UNK: variants seen among roughly 807,000 people sequenced by gnomAD.
UNK encodes the protein unk zinc finger.
UNK carries 32 observed loss-of-function variants against 97.6 expected under a neutral mutation model. That is an observed-to-expected ratio of 0.33 (90% CI 0.25 to 0.44). UNK has a LOEUF of 0.44. Among genes scored for constraint, UNK ranks in the 20% least tolerant of loss-of-function variants. UNK has a pLI of 1.00. For missense variants in UNK, 771 were observed against 1,098.4 expected, an observed-to-expected ratio of 0.70 and a Z score of 4.21; for synonymous variants, 441 against 461.2, an observed-to-expected ratio of 0.96 and a Z score of 0.56.
chr17:75,808,615 T>C (rs1242737111), intron 1 of UNK, among the ~76,000 whole-genome samples: 1 of 152,060 alleles, frequency 6.6e-6, no homozygotes, highest in African/African-American at 2.4e-5. Flanking sequence ...CCAGCCTGGG[T>C]CGAGGATCCC....
intron 1 of UNK, chr17:75,785,541 C>CCCA (rs1390477375): frequency 6.5e-6 from 1 of 152,686 alleles, no homozygotes; most frequent in Non-Finnish European, 1.5e-5. Context: ...TCCGTGCGTG[C>CCCA]CCATGACCGT....
At chr17:75,803,489 T>A (rs2143736682) in intron 1 of UNK, among the ~76,000 whole-genome samples, 1 of 152,344 alleles carries the variant, frequency 6.6e-6, no homozygotes, top group East Asian at 1.9e-4. Flanking sequence ...TAAAGTGTAA[T>A]CTGCTAGTAT....
intron 3 of UNK, 60 bp from the exon 4 acceptor site, chr17:75,812,395 T>G: frequency 6.3e-7 from 1 of 1,587,364 alleles, no homozygotes; most frequent in Non-Finnish European, 8.6e-7. Flanking sequence ...GGGCTGGCAC[T>G]CTGGTTCTTG....
At chr17:75,800,676 G>T (rs1232370960) in intron 1 of UNK, among the ~76,000 whole-genome samples, 1 of 151,394 alleles carries the variant, frequency 6.6e-6, no homozygotes, top group Non-Finnish European at 1.5e-5. Context: ...GGCAGAGCTT[G>T]CAGTGAGCTG....
rs370638974 is a variant in UNK, at chr17:75,818,596, G to C, written c.1372-46G>C. On this transcript the variant is annotated intron_variant, in intron 10 of 15. Coordinates refer to ENST00000589666, the MANE Select transcript of UNK (RefSeq NM_001080419.3). The surrounding 1 kb of genome is among the most constrained non-coding windows in gnomAD (Gnocchi z 5.1). ...TCTCCAGCCTCTCGTCCTGGCCTCC[G>C]TATGCAGGCCTACCATTGCTTCTCC... The C allele has an allele frequency of 6.5e-7, 1 of 1,540,516 alleles. No individual in the cohort carries two copies. The highest frequency in any genetic ancestry group is 1.9e-5 in the Admixed American group (1 of 52,548).
chr17:75,822,990 G>A lies in UNK; in HGVS notation c.2020-275G>A, dbSNP rs1044548140. ...ATGGGCCCCCTGTCCAGCTGCAGCC[G>A]GCTACCCTATGGGTGCTGGCCAGAA... On this transcript the variant is annotated intron_variant, in intron 14 of 15. Coordinates refer to ENST00000589666, the MANE Select transcript of UNK (RefSeq NM_001080419.3). Among the ~76,000 whole-genome samples, 31 of 152,278 alleles carry A rather than the reference G, an allele frequency of 2.0e-4. No homozygotes were observed. The East Asian group carries it at 2.9e-3, about 14-fold the overall frequency.
intron 1 of UNK, among the ~76,000 whole-genome samples, chr17:75,788,937 G>A: frequency 6.6e-6 from 1 of 152,214 alleles, no homozygotes; most frequent in Non-Finnish European, 1.5e-5. Context: ...CACCATAACA[G>A]TAATCTTGGC....
At chr17:75,785,169 G>T in intron 1 of UNK, 185 bp downstream of exon 1, 1 of 519,610 alleles carries the variant, frequency 1.9e-6, no homozygotes, top group Non-Finnish European at 3.3e-6. Flanking sequence ...CCAACCTCTG[G>T]TCGGGCTGTG....
At chr17:75,792,524 G>C (rs955417220) in intron 1 of UNK, 55 of 976,062 alleles carry the variant, frequency 5.6e-5, no homozygotes, top group South Asian at 1.4e-4. Context: ...AATTACATTA[G>C]CCTAATTGCT....
chr17:75,792,479 G>T (rs2061771048), intron 1 of UNK: 1 of 985,386 alleles, frequency 1.0e-6, no homozygotes, highest in Non-Finnish European at 1.2e-6. Context: ...GATGTTGAAT[G>T]TAAGTTTCTC....
At chr17:75,805,414 AAC>A (rs1250606404) in intron 1 of UNK, among the ~76,000 whole-genome samples, 3 of 150,884 alleles carry the variant, frequency 2.0e-5, no homozygotes, top group South Asian at 4.2e-4. Flanking sequence ...AAAAAAAAAA[AAC>A]AAGCCCACAT....
intron 1 of UNK, among the ~76,000 whole-genome samples, chr17:75,807,625 G>A (rs901652073): frequency 5.6e-4 from 86 of 152,224 alleles, no homozygotes; most frequent in African/African-American, 2.0e-3. Context: ...GCTAATTTTT[G>A]TATTCTTTTA....
chr17:75,784,997 C>T lies in UNK; in HGVS notation c.104+13C>T, dbSNP rs768629036. Reference sequence around the variant, plus strand: ...CGCAGCACTACACGTACGTAGAGCCCCCCCCCCCCCGCCGCGCGCGCACGC... The same window carrying T: ...CGCAGCACTACACGTACGTAGAGCCTCCCCCCCCCCGCCGCGCGCGCACGC... On this transcript the variant is annotated intron_variant, in intron 1 of 15. Transcript: ENST00000589666. 1.4e-3 allele frequency: 1,592 copies of T among 1,122,580 alleles called. 5 individuals carry two copies. The highest frequency in any genetic ancestry group is 6.5e-3 in the South Asian group (308 of 47,138). The allele number at this position is 1,122,580 out of a possible 1,614,324, so 69.5% of individuals were successfully genotyped here.
At chr17:75,807,836 G>A (rs997285740) in intron 1 of UNK, among the ~76,000 whole-genome samples, 6 of 151,930 alleles carry the variant, frequency 3.9e-5, no homozygotes, top group African/African-American at 7.3e-5. Context: ...TGATCCGCCC[G>A]CCCCAGCTTC....
At position 75,812,387 on chromosome 17, in the gene UNK, G is replaced by T. The variant is rs1385255016; in HGVS notation, c.492-68G>T. 10 of 1,584,372 alleles carry T rather than the reference G, an allele frequency of 6.3e-6. No individual in the cohort carries two copies. In the Admixed American group the frequency reaches 6.9e-5, roughly 11 times the overall value. On this transcript the variant is annotated intron_variant, in intron 3 of 15. Coordinates refer to ENST00000589666, the MANE Select transcript of UNK (RefSeq NM_001080419.3). ...TGAGTACCTCAGACTGCAGTGGAGG[G>T]CTGGCACTCTGGTTCTTGCCCCCTC...
rs2062034855 is a variant in UNK, at chr17:75,818,276, G to T, written c.1371+108G>T. 7.7e-7 allele frequency: 1 copy of T among 1,306,560 alleles called. No individual in the cohort carries two copies. Among genetic ancestry groups the T allele is most frequent in the African/African-American group, 1.5e-5 (1 of 68,250 alleles). 80.9% of individuals were successfully genotyped at this position (1,306,560 alleles called of 1,614,324 possible). ...GCACCACTTTTCCCAAAAGCTGAGG[G>T]CAGGACTAAAGTGGGGTCCCAGCCA... On this transcript the variant is annotated intron_variant, in intron 10 of 15. Transcript: ENST00000589666. The surrounding 1 kb of genome is among the most constrained non-coding windows in gnomAD (Gnocchi z 5.1).
chr17:75,818,007 C>A lies in UNK; in HGVS notation c.1306-96C>A. 2 of 1,237,082 alleles carry A rather than the reference C, an allele frequency of 1.6e-6. No homozygotes were observed. The highest frequency in any genetic ancestry group is 2.4e-6 in the Non-Finnish European group (2 of 851,024). The allele number at this position is 1,237,082 out of a possible 1,614,324, so 76.6% of individuals were successfully genotyped here. On this transcript the variant is annotated intron_variant, in intron 9 of 15. Transcript: ENST00000589666. The surrounding 1 kb of genome is among the most constrained non-coding windows in gnomAD (Gnocchi z 5.1). ...ATGTGAAGAGGGGTTGCATGTCTGC[C>A]ACCACCTGCCCCCTGGTACCTGCAG...
Position 75,821,917 on chromosome 17 carries a change from A to G in UNK, c.1838-560A>G, listed in dbSNP as rs760181601. ...TCCCTGTCTGTGTCCTGGCCCTACC[A>G]CTTACAATTTGTGTGATTCTTGGTA... On this transcript the variant is annotated intron_variant, in intron 13 of 15. Transcript: ENST00000589666. 1.3e-4 allele frequency: 45 copies of G among 343,204 alleles called. No homozygotes were observed. In the East Asian group the frequency reaches 2.8e-3, roughly 21 times the overall value. The allele number at this position is 343,204 out of a possible 1,614,324, so 21.3% of individuals were successfully genotyped here. A position where few individuals can be genotyped will look rare whatever the true frequency, so the allele number is the denominator to read the frequency against.
At position 75,817,733 on chromosome 17, in the gene UNK, C is replaced by G. The variant is rs1362798206; in HGVS notation, c.1305+207C>G. On this transcript the variant is annotated intron_variant, in intron 9 of 15. Transcript: ENST00000589666. This position sits in a 1 kb window ranked among gnomAD's most constrained non-coding sequence, Gnocchi z 5.8. ...AGGCTGGGGAGGCTGCATAGCCTCC[C>G]CTGGGCTGCAGAGCTGGTTAGGAGA... is the stretch of plus-strand genomic sequence containing the variant. Among the ~76,000 whole-genome samples the G allele has an allele frequency of 6.6e-6, 1 of 152,050 alleles. No homozygotes were observed. Among genetic ancestry groups the G allele is most frequent in the Non-Finnish European group, 1.5e-5 (1 of 68,000 alleles).
Sources: allele counts gnomAD v4.1 joint callset (sites outside exome capture counted in the v4.1 genomes callset), GRCh38; gene constraint gnomAD v4.1.1; non-coding constraint Gnocchi (gnomAD v3.1); transcripts MANE v1.5; gene names NCBI Gene and HGNC (gene_info 2026-07-23, HGNC 2026-07-21).